The following ADAMTS17 variants were observed in gnomAD, a reference collection of about 807,000 sequenced individuals.
ADAMTS17 encodes A disintegrin and metalloproteinase with thrombospondin motifs 17.
A neutral mutation model predicts 141.5 loss-of-function variants in ADAMTS17; 113 were observed. The ratio of observed to expected loss-of-function variants is 0.80; its 90% CI spans 0.69 to 0.93. The LOEUF is 0.93. Ranked by LOEUF, ADAMTS17 falls within the 40% of genes least tolerant of loss-of-function variation. ADAMTS17 has a pLI of 0.00. For missense variants in ADAMTS17, 1,659 were observed against 1,517.9 expected (o/e 1.09, Z -1.54); for synonymous variants, 768 against 630.6 (o/e 1.22, Z -3.27).
intron 15 of ADAMTS17, among the ~76,000 whole-genome samples, chr15:100,069,427 A>G (rs1441357435): frequency 6.6e-6 from 1 of 152,206 alleles, no homozygotes; most frequent in East Asian, 1.9e-4. Flanking sequence ...GAGTAACTCC[A>G]AGACACATAA....
Position 100,262,437 on chromosome 15 carries a change from T to C in ADAMTS17, c.790-2A>G, listed in dbSNP as rs772850171. On this transcript the variant is annotated splice_acceptor_variant, in intron 4 of 21. Transcript: ENST00000268070. LOFTEE classifies it high-confidence loss of function. ...CTGGTGCTGAAACATATTGTATACC[T>C]ATCAAGACAGAAAAAAGAAATAAAG... 1.2e-6 allele frequency: 2 copies of C among 1,610,552 alleles called. No homozygotes were observed. Among genetic ancestry groups the C allele is most frequent in the Admixed American group, 1.7e-5 (1 of 59,982 alleles).
intron 7 of ADAMTS17, among the ~76,000 whole-genome samples, chr15:100,223,823 A>G (rs761801602): frequency 1.3e-5 from 2 of 151,756 alleles, no homozygotes; most frequent in Non-Finnish European, 2.9e-5. Flanking sequence ...GTGTGTATAT[A>G]TGTGTGTATA....
chr15:100,047,660 C>CCTCT (rs2031814833), intron 18 of ADAMTS17, among the ~76,000 whole-genome samples: 1 of 152,110 alleles, frequency 6.6e-6, no homozygotes, highest in African/African-American at 2.4e-5. Context: ...CTCATGCTGA[C>CCTCT]CTCTCCTCCT....
intron 18 of ADAMTS17, among the ~76,000 whole-genome samples, chr15:100,048,310 C>T (rs1048787980): frequency 2.0e-5 from 3 of 152,134 alleles, no homozygotes; most frequent in East Asian, 1.9e-4. Context: ...AGCTGATGAA[C>T]GCATTTCACA....
At chr15:100,268,071 T>G (rs2043780404) in intron 4 of ADAMTS17, among the ~76,000 whole-genome samples, 1 of 152,232 alleles carries the variant, frequency 6.6e-6, no homozygotes, top group Non-Finnish European at 1.5e-5. Context: ...TGATCCCGCA[T>G]TAATTCACTT....
intron 7 of ADAMTS17, among the ~76,000 whole-genome samples, chr15:100,244,976 A>G (rs1239669124): frequency 6.6e-6 from 1 of 152,176 alleles, no homozygotes; most frequent in Non-Finnish European, 1.5e-5. Context: ...CAAACCCAAT[A>G]AAGGGTCAGG....
chr15:100,154,618 T>C (rs139150281), intron 9 of ADAMTS17, among the ~76,000 whole-genome samples: 1 of 152,218 alleles, frequency 6.6e-6, no homozygotes, highest in Non-Finnish European at 1.5e-5. Flanking sequence ...CGTCCACAGG[T>C]ACAGACTGTG....
intron 7 of ADAMTS17, among the ~76,000 whole-genome samples, chr15:100,234,760 C>G (rs1188697267): frequency 6.6e-6 from 1 of 152,192 alleles, no homozygotes; most frequent in Admixed American, 6.5e-5. Context: ...TGACTGCTGC[C>G]TCTCCGGGAA....
rs117606640 is a variant in ADAMTS17 at position 100,204,955 on chromosome 15, A to G, written c.1076-5532T>C. ...GTGGACCGGGAGTCATACAGCAGTT[A>G]TGGCCTTGCAGGCTAATTCAGTTTG... On this transcript the variant is annotated intron_variant, in intron 7 of 21. Coordinates refer to ENST00000268070, the MANE Select transcript of ADAMTS17 (RefSeq NM_139057.4). Among the ~76,000 whole-genome samples, 234 of 152,284 alleles carry G rather than the reference A, an allele frequency of 1.5e-3. 7 individuals are homozygous for G. In the East Asian group the frequency reaches 0.039, roughly 25 times the overall value.
At chr15:100,265,823 G>A (rs761174695) in intron 4 of ADAMTS17, among the ~76,000 whole-genome samples, 1 of 152,232 alleles carries the variant, frequency 6.6e-6, no homozygotes, top group Admixed American at 6.5e-5. Flanking sequence ...CAAAGCAGCA[G>A]CACCAACATG....
chr15:100,087,334 A>T (rs1414221650), intron 15 of ADAMTS17, among the ~76,000 whole-genome samples: 2 of 152,212 alleles, frequency 1.3e-5, no homozygotes, highest in African/African-American at 2.4e-5. Flanking sequence ...TCAAAAATTT[A>T]GGCAATAATT....
At chr15:100,170,674 G>C (rs2040125791) in intron 8 of ADAMTS17, among the ~76,000 whole-genome samples, 1 of 152,154 alleles carries the variant, frequency 6.6e-6, no homozygotes, top group Admixed American at 6.5e-5. Context: ...CTATCAGCCT[G>C]TTTTTCTCCC....
At chr15:100,053,239 A>G (rs2032283470) in intron 16 of ADAMTS17, among the ~76,000 whole-genome samples, 1 of 152,200 alleles carries the variant, frequency 6.6e-6, no homozygotes, top group Non-Finnish European at 1.5e-5. Flanking sequence ...CATTCCCTGG[A>G]GATCTCTGAC....
At chr15:100,078,744 G>T (rs2034543052) in intron 15 of ADAMTS17, among the ~76,000 whole-genome samples, 1 of 152,166 alleles carries the variant, frequency 6.6e-6, no homozygotes, top group African/African-American at 2.4e-5. Context: ...CTGAAAACCT[G>T]TGTTTCAAAA....
chr15:100,080,333 T>G (rs2034648711), intron 15 of ADAMTS17, among the ~76,000 whole-genome samples: 1 of 152,164 alleles, frequency 6.6e-6, no homozygotes, highest in African/African-American at 2.4e-5. Context: ...CAGTGTTGAC[T>G]GGGGTGACTG....
chr15:99,974,571 A>T lies in ADAMTS17; in HGVS notation c.3128-9T>A. 1 of 1,614,078 alleles carries T rather than the reference A, an allele frequency of 6.2e-7. No homozygotes were observed. Among genetic ancestry groups the T allele is most frequent in the Non-Finnish European group, 8.5e-7 (1 of 1,179,946 alleles). ...TTTGTAGGTCAGAGCAGCTAAGGGG[A>T]TAGGAGAGAGAATACCCAGGGTCAG... On this transcript the variant is annotated splice_polypyrimidine_tract_variant and intron_variant, in intron 21 of 21. Transcript: ENST00000268070.
chr15:100,063,883 C>A, intron 15 of ADAMTS17: 1 of 579,226 alleles, frequency 1.7e-6, no homozygotes, highest in South Asian at 1.6e-5. Context: ...GGAGGGCTGG[C>A]GCAGAAGAAG....
intron 2 of ADAMTS17, among the ~76,000 whole-genome samples, chr15:100,333,442 C>T (rs934579841): frequency 6.6e-6 from 1 of 152,200 alleles, no homozygotes; most frequent in Non-Finnish European, 1.5e-5. Context: ...CCAAGTGAAT[C>T]GGAATCTCTG....
At chr15:100,144,775 T>C (rs1388311865) in intron 10 of ADAMTS17, among the ~76,000 whole-genome samples, 2 of 151,076 alleles carry the variant, frequency 1.3e-5, no homozygotes, top group Admixed American at 1.3e-4. Context: ...AACACACGCG[T>C]GTCGATGAGA....
Sources: gnomAD v4.1 joint callset for allele counts (sites outside exome capture counted in the v4.1 genomes callset) on GRCh38, gnomAD v4.1.1 for gene constraint, MANE v1.5 for transcripts, NCBI Gene and HGNC (gene_info 2026-07-23, HGNC 2026-07-21) for gene names.